Variants in CNTN5 observed in about 807,000 individuals in gnomAD.
CNTN5 encodes contactin 5, also known as contactin-5.
In CNTN5, 77 loss-of-function variants were observed where a neutral mutation model predicts 129.1. The observed-to-expected ratio is 0.60, with a 90% CI of 0.50 to 0.72. The LOEUF (loss-of-function observed/expected upper bound fraction) is 0.72, where lower values mean the gene tolerates loss of function less well. Among genes scored for constraint, CNTN5 ranks in the 30% least tolerant of loss-of-function variants. The pLI is 0.00. For synonymous variants in CNTN5, 509 were observed against 465.6 expected, an observed-to-expected ratio of 1.09 and a Z score of -1.20; for missense variants, 1,478 against 1,328.8, an observed-to-expected ratio of 1.11 and a Z score of -1.75.
chr11:99,043,549 T>G (rs1275739794), intron 1 of CNTN5, among the ~76,000 whole-genome samples: 1 of 152,218 alleles, frequency 6.6e-6, no homozygotes, highest in African/African-American at 2.4e-5. Context: ...TTGCCATTAA[T>G]GAAAATAGAC....
At chr11:99,032,288 G>A (rs1345977935) in intron 1 of CNTN5, among the ~76,000 whole-genome samples, 1 of 151,736 alleles carries the variant, frequency 6.6e-6, no homozygotes, top group Admixed American at 6.6e-5. Context: ...AGCCAGTAAT[G>A]GGATGGCTGG....
chr11:100,338,678 G>A (rs1007788656), intron 21 of CNTN5, among the ~76,000 whole-genome samples: 1 of 152,208 alleles, frequency 6.6e-6, no homozygotes, highest in African/African-American at 2.4e-5. Flanking sequence ...CAAGCTCCAT[G>A]TGGGGCCCAC....
intron 2 of CNTN5, among the ~76,000 whole-genome samples, chr11:99,434,765 G>C (rs1253284714): frequency 6.6e-6 from 1 of 152,016 alleles, no homozygotes; most frequent in Non-Finnish European, 1.5e-5. Flanking sequence ...TGTATAACAG[G>C]TGCCCAAAAA....
At position 99,085,049 on chromosome 11, in the gene CNTN5, A is replaced by T. The variant is rs771718544; in HGVS notation, c.-210+63779A>T. Among the ~76,000 whole-genome samples the T allele has an allele frequency of 1.1e-3, 166 of 147,018 alleles. 1 individual carries two copies. Among genetic ancestry groups the T allele is most frequent in the African/African-American group, 4.0e-3 (163 of 40,368 alleles). On this transcript the variant is annotated intron_variant, in intron 1 of 24. Coordinates refer to ENST00000524871, the MANE Select transcript of CNTN5 (RefSeq NM_014361.4). ...AAAGTTACATATTCACTAGTAACCA[A>T]TTTTTTTTTTTTTGAAATGGAGTCT...
chr11:99,878,433 A>G (rs1948688950), intron 6 of CNTN5, among the ~76,000 whole-genome samples: 1 of 152,208 alleles, frequency 6.6e-6, no homozygotes, highest in Non-Finnish European at 1.5e-5. Flanking sequence ...CAAATTCTGA[A>G]CAACAGTGCA....
chr11:99,067,331 C>T (rs1355286236), intron 1 of CNTN5, among the ~76,000 whole-genome samples: 2 of 151,944 alleles, frequency 1.3e-5, no homozygotes, highest in African/African-American at 4.8e-5. Flanking sequence ...TTTTATTTTC[C>T]TTCTCTTTAA....
intron 3 of CNTN5, among the ~76,000 whole-genome samples, chr11:99,794,038 G>A (rs892381228): frequency 6.6e-6 from 1 of 152,104 alleles, no homozygotes; most frequent in African/African-American, 2.4e-5. Flanking sequence ...TTATTATTAT[G>A]TGGTTATCTG....
chr11:100,074,422 G>T (rs1402822124), intron 13 of CNTN5, 128 bp downstream of exon 13: 2 of 847,476 alleles, frequency 2.4e-6, no homozygotes, highest in East Asian at 2.8e-5. Context: ...ATTGAAACAT[G>T]GTTTTGCCTA....
chr11:100,234,812 A>G (rs1025755264), intron 16 of CNTN5, among the ~76,000 whole-genome samples: 4 of 150,998 alleles, frequency 2.6e-5, no homozygotes, highest in Admixed American at 2.6e-4. Context: ...AAAAAAAAAA[A>G]AAAAAGAAGA....
In CNTN5 at chr11:99,031,193, A is replaced by T. The variant is rs917659028; in HGVS notation, c.-210+9923A>T. 2.0e-5 allele frequency among the ~76,000 whole-genome samples: 3 copies of T among 152,136 alleles called. No individual in the cohort carries two copies. In the South Asian group the frequency reaches 6.2e-4, roughly 31 times the overall value. ...AAAAATACAATGATTTAAGCTTGCA[A>T]ACATTTTACAATTTTTTTTCCAAAA... On this transcript the variant is annotated intron_variant, in intron 1 of 24. Transcript: ENST00000524871.
At position 99,517,770 on chromosome 11, in the gene CNTN5, A is replaced by G. The variant is rs1390484177; in HGVS notation, c.-70-38375A>G. Among the ~76,000 whole-genome samples the G allele has an allele frequency of 2.0e-5, 3 of 152,194 alleles. No individual in the cohort carries two copies. The East Asian group carries it at 5.8e-4, about 29-fold the overall frequency. On this transcript the variant is annotated intron_variant, in intron 2 of 24. Coordinates refer to ENST00000524871, the MANE Select transcript of CNTN5 (RefSeq NM_014361.4). Reference sequence around the variant, plus strand: ...CTCTTACAAGTGAATTGACAGCTCTAACACACATTTCTACCATAGCCCACC... The same window carrying G: ...CTCTTACAAGTGAATTGACAGCTCTGACACACATTTCTACCATAGCCCACC...
intron 2 of CNTN5, among the ~76,000 whole-genome samples, chr11:99,544,571 G>T (rs1948228525): frequency 6.6e-6 from 1 of 152,144 alleles, no homozygotes; most frequent in South Asian, 2.1e-4. Context: ...GAAATAAACA[G>T]TATTAAGAAT....
At chr11:99,202,894 T>C (rs1859281627) in intron 1 of CNTN5, among the ~76,000 whole-genome samples, 1 of 151,882 alleles carries the variant, frequency 6.6e-6, no homozygotes, top group Non-Finnish European at 1.5e-5. Context: ...TCAATGGTTT[T>C]AAATTGTTAG....
At chr11:99,153,027 G>A (rs1356369781) in intron 1 of CNTN5, among the ~76,000 whole-genome samples, 2 of 152,076 alleles carry the variant, frequency 1.3e-5, no homozygotes, top group Non-Finnish European at 2.9e-5. Flanking sequence ...AGCCTGGTGG[G>A]GTTCCCTTTG....
intron 7 of CNTN5, among the ~76,000 whole-genome samples, chr11:99,943,733 G>C (rs1488003517): frequency 6.6e-6 from 1 of 152,092 alleles, no homozygotes; most frequent in Non-Finnish European, 1.5e-5. Context: ...AAGGGGTCCA[G>C]TTTCTGTTTT....
chr11:99,056,407 G>A (rs1025342744), intron 1 of CNTN5, among the ~76,000 whole-genome samples: 2 of 151,840 alleles, frequency 1.3e-5, no homozygotes, highest in Non-Finnish European at 2.9e-5. Flanking sequence ...ACTAAGGGTG[G>A]GTCAAGGAGG....
chr11:100,002,296 A>G (rs866711196), intron 9 of CNTN5, among the ~76,000 whole-genome samples, 160 bp downstream of exon 9: 28 of 152,284 alleles, frequency 1.8e-4, no homozygotes, highest in Middle Eastern at 3.4e-3. Flanking sequence ...TGAAGTAATC[A>G]GTTACAGTTA....
chr11:99,560,721 T>C (rs764824702), intron 3 of CNTN5, among the ~76,000 whole-genome samples: 12 of 152,086 alleles, frequency 7.9e-5, no homozygotes, highest in Non-Finnish European at 1.2e-4. Flanking sequence ...TAGTTAATAA[T>C]ATTTTTTCCC....
At chr11:99,673,677 A>G (rs774535599) in intron 3 of CNTN5, among the ~76,000 whole-genome samples, 9 of 152,074 alleles carry the variant, frequency 5.9e-5, no homozygotes, top group Non-Finnish European at 2.9e-5. Context: ...TCTCCCACTT[A>G]TAAGTGAGAA....
Sources: gnomAD v4.1 joint callset for allele counts (sites outside exome capture counted in the v4.1 genomes callset) on GRCh38, gnomAD v4.1.1 for gene constraint, MANE v1.5 for transcripts, NCBI Gene and HGNC (gene_info 2026-07-23, HGNC 2026-07-21) for gene names.